Variants in CAMK1D observed in about 807,000 individuals in gnomAD.
CAMK1D encodes the protein calcium/calmodulin dependent protein kinase ID, also known as calcium/calmodulin-dependent protein kinase type 1D.
Under a neutral mutation model 47.7 loss-of-function variants are expected in CAMK1D, and 9 were observed. That is an observed-to-expected ratio of 0.19 (90% confidence interval 0.11 to 0.33). The LOEUF (loss-of-function observed/expected upper bound fraction) is 0.33. Among genes scored for constraint, CAMK1D ranks in the 10% least tolerant of loss-of-function variants. CAMK1D has a pLI of 1.00. For synonymous variants in CAMK1D, 184 were observed against 184.9 expected (o/e 0.99, Z 0.04); for missense variants, 291 against 488.7 (o/e 0.60, Z 3.81).
chr10:12,495,464 T>C (rs1416890582), intron 1 of CAMK1D, among the ~76,000 whole-genome samples: 1 of 152,242 alleles, frequency 6.6e-6, no homozygotes, highest in Admixed American at 6.5e-5. Context: ...TCTGTTTTAA[T>C]AGGTCAGTTT....
chr10:12,606,008 C>T (rs1013197341), intron 2 of CAMK1D, among the ~76,000 whole-genome samples: 1 of 152,200 alleles, frequency 6.6e-6, no homozygotes, highest in Admixed American at 6.5e-5. Context: ...CAAAGGTCAT[C>T]GTAGGCCTGA....
chr10:12,437,763 T>C (rs1832678240), intron 1 of CAMK1D, among the ~76,000 whole-genome samples: 1 of 152,220 alleles, frequency 6.6e-6, no homozygotes, highest in African/African-American at 2.4e-5. Flanking sequence ...TCCACCATGA[T>C]CGTATCATAC....
At chr10:12,743,884 G>A (rs1835546408) in intron 3 of CAMK1D, among the ~76,000 whole-genome samples, 1 of 152,180 alleles carries the variant, frequency 6.6e-6, no homozygotes, top group Non-Finnish European at 1.5e-5. Flanking sequence ...TTAGCTGGAT[G>A]TGGTAGCACA....
chr10:12,570,099 C>G (rs1837276054), intron 2 of CAMK1D, among the ~76,000 whole-genome samples: 1 of 152,080 alleles, frequency 6.6e-6, no homozygotes, highest in African/African-American at 2.4e-5. Flanking sequence ...ACTCCGGAGG[C>G]TGAGGCAGGA....
intron 2 of CAMK1D, among the ~76,000 whole-genome samples, chr10:12,656,903 A>G (rs1321714981): frequency 6.6e-6 from 1 of 152,246 alleles, no homozygotes; most frequent in African/African-American, 2.4e-5. Flanking sequence ...AAATAACAAG[A>G]TGACATATTT....
intron 1 of CAMK1D, among the ~76,000 whole-genome samples, chr10:12,459,759 G>T (rs1274262691): frequency 2.0e-5 from 3 of 152,202 alleles, no homozygotes; most frequent in African/African-American, 7.2e-5. Flanking sequence ...ACGATGAAAT[G>T]ATTAGTTTGC....
chr10:12,531,745 G>A (rs557070501), intron 1 of CAMK1D, among the ~76,000 whole-genome samples: 2 of 152,284 alleles, frequency 1.3e-5, no homozygotes, highest in South Asian at 2.1e-4. Flanking sequence ...CCCTGACATC[G>A]CCCGGCCTGT....
chr10:12,355,406 C>T (rs565104787), intron 1 of CAMK1D, among the ~76,000 whole-genome samples: 1 of 152,160 alleles, frequency 6.6e-6, no homozygotes, highest in African/African-American at 2.4e-5. Context: ...GTCTGAAAGT[C>T]CAGATGGAAA....
At position 12,371,131 on chromosome 10, in the gene CAMK1D, T is replaced by G. The variant is rs557611993; in HGVS notation, c.92+21221T>G. 4.6e-5 allele frequency among the ~76,000 whole-genome samples: 7 copies of G among 152,178 alleles called. No individual in the cohort carries two copies. In the South Asian group the frequency reaches 1.0e-3, roughly 23 times the overall value. ...ACTTTAGTATAGCCTAAGTGTACAA[T>G]ATGTATAAAGTCTACAGTAGTGTAG... On this transcript the variant is annotated intron_variant, in intron 1 of 10. Transcript: ENST00000619168.
chr10:12,640,932 A>G (rs773862341), intron 2 of CAMK1D, among the ~76,000 whole-genome samples: 17 of 152,320 alleles, frequency 1.1e-4, no homozygotes, highest in Non-Finnish European at 2.2e-4. Context: ...CGGTAATTAC[A>G]GATGTCTTTT....
chr10:12,546,835 C>T (rs1836390957), intron 1 of CAMK1D, among the ~76,000 whole-genome samples: 1 of 151,856 alleles, frequency 6.6e-6, no homozygotes, highest in Admixed American at 6.6e-5. Context: ...GGAGGGATAG[C>T]ATTAGGAGAT....
At chr10:12,587,740 T>C (rs895583606) in intron 2 of CAMK1D, among the ~76,000 whole-genome samples, 3 of 152,148 alleles carry the variant, frequency 2.0e-5, no homozygotes, top group African/African-American at 7.2e-5. Context: ...TATTTACATA[T>C]CATTTTAGAA....
At chr10:12,628,096 AC>A (rs1839277238) in intron 2 of CAMK1D, among the ~76,000 whole-genome samples, 6 of 149,742 alleles carry the variant, frequency 4.0e-5, no homozygotes, top group African/African-American at 7.4e-5. Context: ...AAAACAAAAA[AC>A]AAAAAACAAA....
intron 3 of CAMK1D, among the ~76,000 whole-genome samples, chr10:12,671,332 G>A (rs1290059348): frequency 6.6e-6 from 1 of 151,334 alleles, no homozygotes; most frequent in African/African-American, 2.4e-5. Context: ...AAATTGCCGG[G>A]TCGAATGATA....
At chr10:12,670,139 T>G (rs986473781) in intron 3 of CAMK1D, among the ~76,000 whole-genome samples, 1 of 150,308 alleles carries the variant, frequency 6.7e-6, no homozygotes, top group Non-Finnish European at 1.5e-5. Flanking sequence ...TTTTTTTTTT[T>G]TTTTTTGGCC....
intron 2 of CAMK1D, among the ~76,000 whole-genome samples, chr10:12,645,006 T>G (rs1839774779): frequency 6.6e-6 from 1 of 152,064 alleles, no homozygotes; most frequent in Non-Finnish European, 1.5e-5. Context: ...GTGACTTTTT[T>G]TTTTTTGCAA....
At chr10:12,479,291 G>A (rs1253449268) in intron 1 of CAMK1D, among the ~76,000 whole-genome samples, 2 of 151,980 alleles carry the variant, frequency 1.3e-5, no homozygotes, top group Non-Finnish European at 1.5e-5. Flanking sequence ...CTGCCTCCTG[G>A]GTTCAAGTGA....
At chr10:12,385,630 C>G (rs1344340908) in intron 1 of CAMK1D, among the ~76,000 whole-genome samples, 1 of 151,306 alleles carries the variant, frequency 6.6e-6, no homozygotes, top group Non-Finnish European at 1.5e-5. Context: ...TGGAAAATGA[C>G]TGATCAAAGG....
At position 12,744,301 on chromosome 10, in the gene CAMK1D, TG is replaced by T. The variant is rs553921384; in HGVS notation, c.300-16646del. On this transcript the variant is annotated intron_variant, in intron 3 of 10. Transcript: ENST00000619168. Reference sequence around the variant, plus strand: ...CAATTCTGCTGTGAACACTGATTTTTGTATGAATGTGTGTTTTCAGATCTCA... The same window carrying T: ...CAATTCTGCTGTGAACACTGATTTTTTATGAATGTGTGTTTTCAGATCTCA... Among the ~76,000 whole-genome samples the T allele has an allele frequency of 1.4e-3, 213 of 151,246 alleles. 3 individuals are homozygous for T. The highest frequency in any genetic ancestry group is 5.1e-3 in the African/African-American group (207 of 40,488).
Sources: gnomAD v4.1 joint callset for allele counts (sites outside exome capture counted in the v4.1 genomes callset) on GRCh38, gnomAD v4.1.1 for gene constraint, MANE v1.5 for transcripts, NCBI Gene and HGNC (gene_info 2026-07-23, HGNC 2026-07-21) for gene names.